Variants in PHTF2 observed in about 807,000 individuals in gnomAD.
PHTF2 encodes the protein protein PHTF2.
PHTF2 carries 60 observed loss-of-function variants against 101.2 expected under a neutral mutation model. The observed-to-expected ratio is 0.59, with a 90% CI of 0.48 to 0.73. The LOEUF is 0.73. Among genes scored for constraint, PHTF2 ranks in the 30% least tolerant of loss-of-function variants. PHTF2 has a pLI of 0.00. For synonymous variants in PHTF2, 311 were observed against 307.3 expected (o/e 1.01, Z -0.13); for missense variants, 747 against 908.7 (o/e 0.82, Z 2.29).
chr7:77,910,187 A>C, intron 8 of PHTF2, 58 bp from the exon 8 acceptor site: 3 of 1,464,418 alleles, frequency 2.0e-6, no homozygotes, highest in Non-Finnish European at 2.8e-6. Flanking sequence ...TGTACTACTG[A>C]GAAAGTGGTT....
At chr7:77,845,623 C>T (rs1425019288) in intron 2 of PHTF2, among the ~76,000 whole-genome samples, 1 of 152,032 alleles carries the variant, frequency 6.6e-6, no homozygotes, top group Non-Finnish European at 1.5e-5. Context: ...TAAAGTTCAG[C>T]CATGTTAATG....
intron 9 of PHTF2, among the ~76,000 whole-genome samples, chr7:77,912,530 C>T (rs1053898236): frequency 6.6e-6 from 1 of 151,974 alleles, no homozygotes; most frequent in East Asian, 1.9e-4. Context: ...AAGCTGGATA[C>T]TTCCGTTAAG....
intron 17 of PHTF2, among the ~76,000 whole-genome samples, chr7:77,951,249 G>A (rs1274109116): frequency 6.6e-6 from 1 of 151,994 alleles, no homozygotes; most frequent in African/African-American, 2.4e-5. Context: ...TACCAGCCTG[G>A]GCAACATAGC....
At chr7:77,882,545 C>A (rs1261860171) in intron 3 of PHTF2, among the ~76,000 whole-genome samples, 1 of 151,954 alleles carries the variant, frequency 6.6e-6, no homozygotes, top group East Asian at 1.9e-4. Flanking sequence ...ATATTTATTC[C>A]ATGGTTTAGA....
chr7:77,948,069 A>T (rs1806233393), intron 16 of PHTF2, among the ~76,000 whole-genome samples: 1 of 151,694 alleles, frequency 6.6e-6, no homozygotes, highest in South Asian at 2.1e-4. Context: ...TGAACTCCTG[A>T]CCTCAGGTAG....
exon 8 of PHTF2, chr7:77,908,935 A>G: frequency 6.2e-7 from 1 of 1,610,364 alleles, no homozygotes; most frequent in Non-Finnish European, 8.5e-7. Context: ...AACCTCCTCT[A>G]AGTACAGGGG....
At chr7:77,932,607 AGAGAGAGAGAGAGAGTGTGTGTGT>A (rs1804690605) in intron 12 of PHTF2, among the ~76,000 whole-genome samples, 1 of 85,882 alleles carries the variant, frequency 1.2e-5, no homozygotes, top group African/African-American at 4.6e-5. Context: ...AGAGAAAGAG[AGAGAGAGAGAGAGAGTGTGTGTGT>A]GTGTGTGTGT....
At chr7:77,874,775 ACAGT>A (rs1436789164) in intron 3 of PHTF2, among the ~76,000 whole-genome samples, 1 of 152,228 alleles carries the variant, frequency 6.6e-6, no homozygotes, top group Non-Finnish European at 1.5e-5. Flanking sequence ...AGTCAAGTTG[ACAGT>A]CAGTATTAAC....
intron 1 of PHTF2, among the ~76,000 whole-genome samples, chr7:77,838,186 A>C (rs1283381648): frequency 1.3e-5 from 2 of 152,200 alleles, no homozygotes; most frequent in African/African-American, 2.4e-5. Context: ...CTGGGATACA[A>C]GGTGGTTGAA....
At chr7:77,935,610 T>C (rs1227011930) in intron 12 of PHTF2, among the ~76,000 whole-genome samples, 1 of 152,220 alleles carries the variant, frequency 6.6e-6, no homozygotes, top group East Asian at 1.9e-4. Flanking sequence ...TAATATCAGA[T>C]GCTGGATAGA....
chr7:77,942,777 T>C, exon 16 of PHTF2: 1 of 1,574,928 alleles, frequency 6.3e-7, no homozygotes, highest in Non-Finnish European at 8.7e-7. Flanking sequence ...TATTTATCTG[T>C]TGTGCCCAGG....
At chr7:77,944,407 G>A (rs893186262) in intron 16 of PHTF2, among the ~76,000 whole-genome samples, 1 of 152,156 alleles carries the variant, frequency 6.6e-6, no homozygotes, top group Non-Finnish European at 1.5e-5. Flanking sequence ...TGACAAGGAC[G>A]GGGGAAAAGT....
chr7:77,948,599 G>A (rs568982885), intron 16 of PHTF2, among the ~76,000 whole-genome samples: 4 of 151,866 alleles, frequency 2.6e-5, no homozygotes, highest in South Asian at 2.1e-4. Context: ...TAGGAAAAAC[G>A]AACAACATAC....
At position 77,910,346 on chromosome 7, in the gene PHTF2, GC is replaced by G. The variant is rs1562940003; in HGVS notation, c.714del (p.Ser238ArgfsTer78). ...GGAGCAGTTCAGAACCACGGTACAA[GC>G]ACCTCTCACAGCGTTGGCACTGTCT... On this transcript the variant is annotated frameshift_variant, in exon 9 of 20. Transcript: ENST00000416283. LOFTEE classifies it high-confidence loss of function. 1 of 1,613,804 alleles carries G rather than the reference GC, an allele frequency of 6.2e-7. No individual in the cohort carries two copies. The highest frequency in any genetic ancestry group is 1.7e-5 in the Admixed American group (1 of 60,030).
chr7:77,824,138 G>A (rs1794522328), intron 1 of PHTF2, among the ~76,000 whole-genome samples: 2 of 152,062 alleles, frequency 1.3e-5, no homozygotes, highest in Admixed American at 6.6e-5. Flanking sequence ...GCCAGGTATA[G>A]AATTGATAGT....
At chr7:77,873,596 C>T (rs1429582590) in intron 3 of PHTF2, among the ~76,000 whole-genome samples, 1 of 152,126 alleles carries the variant, frequency 6.6e-6, no homozygotes, top group Admixed American at 6.5e-5. Context: ...ACTGTTGCCT[C>T]AGGCAGCACA....
At position 77,879,777 on chromosome 7, in the gene PHTF2, T is replaced by C. The variant is rs576217049; in HGVS notation, c.148-13831T>C. 3.3e-5 allele frequency among the ~76,000 whole-genome samples: 5 copies of C among 152,280 alleles called. No homozygotes were observed. The South Asian group carries it at 8.3e-4, about 25-fold the overall frequency. The stretch of plus-strand genomic sequence containing the variant: ...CTGAAAGTTTCTCTTATGTATCTTA[T>C]AGGAAAAGCCAAATTTATTTTCATA... On this transcript the variant is annotated intron_variant, in intron 3 of 19. Coordinates refer to ENST00000416283, the Ensembl canonical transcript of PHTF2.
At chr7:77,956,785 CA>C (rs1167690800) in exon 20 of PHTF2, 2 of 152,384 alleles carry the variant, frequency 1.3e-5, no homozygotes, top group Non-Finnish European at 2.9e-5. Flanking sequence ...TTGTATCTCA[CA>C]AAAAATCTTA....
At chr7:77,821,632 C>T (rs117627094) in intron 1 of PHTF2, among the ~76,000 whole-genome samples, 1,855 of 152,154 alleles carry the variant, frequency 0.012, 15 homozygotes, top group Middle Eastern at 0.031. Flanking sequence ...GTGGGACATG[C>T]CCCACATGGA....
Sources: allele counts gnomAD v4.1 joint callset (sites outside exome capture counted in the v4.1 genomes callset), GRCh38; gene constraint gnomAD v4.1.1; transcripts MANE v1.5; gene names NCBI Gene and HGNC (gene_info 2026-07-23, HGNC 2026-07-21).